ACER3: variants seen among roughly 807,000 people sequenced by gnomAD.
ACER3 encodes the protein alkaline ceramidase 3.
In ACER3, 16 loss-of-function variants were observed where a neutral mutation model predicts 48.9. That is an observed-to-expected ratio of 0.33 (90% confidence interval 0.22 to 0.50). The LOEUF is 0.50. Ranked by LOEUF, ACER3 falls within the 20% of genes least tolerant of loss-of-function variation. ACER3 has a pLI of 0.98. For missense variants in ACER3, 227 were observed against 326.0 expected (o/e 0.70, Z 2.34); for synonymous variants, 109 against 107.8 (o/e 1.01, Z -0.07).
intron 3 of ACER3, among the ~76,000 whole-genome samples, chr11:76,967,989 A>G (rs1043410723): frequency 2.0e-5 from 3 of 152,188 alleles, no homozygotes; most frequent in African/African-American, 7.2e-5. Context: ...TTAGGAAAAG[A>G]GGAAGTCAAA....
chr11:76,878,587 A>G (rs1945445598), intron 1 of ACER3, among the ~76,000 whole-genome samples: 1 of 152,108 alleles, frequency 6.6e-6, no homozygotes, highest in South Asian at 2.1e-4. Flanking sequence ...CTATTGACAG[A>G]TACCTGGGCT....
chr11:76,973,129 C>G (rs921311088), intron 3 of ACER3, among the ~76,000 whole-genome samples: 1 of 152,182 alleles, frequency 6.6e-6, no homozygotes, highest in Non-Finnish European at 1.5e-5. Context: ...CAGGTGACAG[C>G]CATGATGGGG....
At chr11:76,910,007 A>T (rs1946331310) in intron 1 of ACER3, among the ~76,000 whole-genome samples, 1 of 152,102 alleles carries the variant, frequency 6.6e-6, no homozygotes, top group Non-Finnish European at 1.5e-5. Flanking sequence ...ATTCTCAGCA[A>T]ACTAGCACAG....
intron 1 of ACER3, among the ~76,000 whole-genome samples, chr11:76,904,953 G>A (rs1325424155): frequency 1.3e-5 from 2 of 152,094 alleles, no homozygotes; most frequent in African/African-American, 2.4e-5. Flanking sequence ...CCTGGTTCAA[G>A]TGATTTTCGT....
At chr11:77,000,267 T>C (rs1949001552) in intron 7 of ACER3, among the ~76,000 whole-genome samples, 1 of 152,246 alleles carries the variant, frequency 6.6e-6, no homozygotes, top group South Asian at 2.1e-4. Context: ...GCCTGGTTTC[T>C]CTTTTTTTAT....
Position 77,025,392 on chromosome 11 carries a change from T to TTATATGTATATA in ACER3, c.*5070_*5071insGTATATATATAT. 7.4e-6 allele frequency: 1 copy of TTATATGTATATA among 135,832 alleles called. No individual in the cohort carries two copies. Among genetic ancestry groups the TTATATGTATATA allele is most frequent in the Non-Finnish European group, 1.5e-5 (1 of 65,928 alleles). 8.4% of individuals were successfully genotyped at this position (135,832 alleles called of 1,614,324 possible). ...TGGTTATTTTATTTTATTTTATTCT[T>TTATATGTATATA]TATATATATATATATATATTTATTT... On this transcript the variant is annotated 3_prime_UTR_variant, in exon 11 of 11. Coordinates refer to ENST00000532485, the MANE Select transcript of ACER3 (RefSeq NM_018367.7).
chr11:76,916,343 T>C (rs1181309036), intron 1 of ACER3, among the ~76,000 whole-genome samples: 1 of 152,234 alleles, frequency 6.6e-6, no homozygotes, highest in Non-Finnish European at 1.5e-5. Context: ...GGTTTTCTTT[T>C]GTATTCCTTT....
chr11:76,979,334 C>T (rs1948525308), intron 4 of ACER3, among the ~76,000 whole-genome samples: 1 of 152,140 alleles, frequency 6.6e-6, no homozygotes, highest in Non-Finnish European at 1.5e-5. Flanking sequence ...ACTGTTGGCT[C>T]TGACCTTTAC....
intron 7 of ACER3, among the ~76,000 whole-genome samples, chr11:77,002,806 A>T (rs1326362294): frequency 6.6e-6 from 1 of 152,218 alleles, no homozygotes; most frequent in African/African-American, 2.4e-5. Flanking sequence ...ACAGGGATGC[A>T]CCTATAAGAC....
intron 1 of ACER3, among the ~76,000 whole-genome samples, chr11:76,916,507 T>TA (rs1323656306): frequency 7.2e-6 from 1 of 138,128 alleles, no homozygotes; most frequent in Non-Finnish European, 1.6e-5. Flanking sequence ...CAATCTATGC[T>TA]AAGTGCCAGG....
chr11:76,953,770 T>A (rs995217306), intron 2 of ACER3, among the ~76,000 whole-genome samples: 3 of 152,170 alleles, frequency 2.0e-5, no homozygotes, highest in African/African-American at 7.2e-5. Context: ...ATTTTTGATA[T>A]CAAAATTGGA....
chr11:76,877,554 G>T (rs894837234), intron 1 of ACER3, among the ~76,000 whole-genome samples: 2 of 151,764 alleles, frequency 1.3e-5, no homozygotes, highest in Admixed American at 6.6e-5. Flanking sequence ...AGATATGAGG[G>T]CAATCTGTCT....
chr11:76,925,259 G>A (rs939798241), intron 1 of ACER3, among the ~76,000 whole-genome samples: 1 of 152,032 alleles, frequency 6.6e-6, no homozygotes. Flanking sequence ...TCATTTTTGT[G>A]TATCTATTTT....
At chr11:76,924,434 G>T (rs943819957) in intron 1 of ACER3, among the ~76,000 whole-genome samples, 3 of 151,876 alleles carry the variant, frequency 2.0e-5, no homozygotes, top group African/African-American at 7.2e-5. Context: ...GAACTCCTGG[G>T]CTCAAGCGAT....
chr11:76,952,507 C>G (rs79510092), intron 2 of ACER3, among the ~76,000 whole-genome samples: 16,413 of 151,562 alleles, frequency 0.11, 1,082 homozygotes, highest in East Asian at 0.36. Flanking sequence ...ATCTGCCCAC[C>G]TTGGCCTCTC....
chr11:76,941,146 G>A (rs1262164651), intron 2 of ACER3, among the ~76,000 whole-genome samples: 1 of 152,032 alleles, frequency 6.6e-6, no homozygotes, highest in Admixed American at 6.5e-5. Context: ...GATATTTGCT[G>A]AATACCGTAA....
chr11:76,973,722 G>T (rs1028318377), intron 3 of ACER3, among the ~76,000 whole-genome samples: 49 of 152,050 alleles, frequency 3.2e-4, no homozygotes, highest in African/African-American at 1.1e-3. Context: ...TGCAAAAAAA[G>T]TTTTCAGTTC....
intron 1 of ACER3, among the ~76,000 whole-genome samples, chr11:76,916,939 C>T (rs951350262): frequency 6.6e-6 from 1 of 152,074 alleles, no homozygotes; most frequent in Non-Finnish European, 1.5e-5. Flanking sequence ...GAGTCATTCC[C>T]CTCCCCTGTA....
At chr11:76,913,775 A>G (rs1485372430) in intron 1 of ACER3, among the ~76,000 whole-genome samples, 1 of 152,238 alleles carries the variant, frequency 6.6e-6, no homozygotes, top group Non-Finnish European at 1.5e-5. Flanking sequence ...AGCTGGAGGC[A>G]TCACGCTACC....
Sources: allele counts gnomAD v4.1 joint callset (sites outside exome capture counted in the v4.1 genomes callset), GRCh38; gene constraint gnomAD v4.1.1; transcripts MANE v1.5; gene names NCBI Gene and HGNC (gene_info 2026-07-23, HGNC 2026-07-21).